The following JMJD1C variants were observed in gnomAD, a reference collection of about 807,000 sequenced individuals.
JMJD1C encodes jumonji domain containing 1C, also known as jumonji domain-containing protein 1C.
JMJD1C carries 31 observed loss-of-function variants against 245.3 expected under a neutral mutation model. The ratio of observed to expected loss-of-function variants is 0.13; its 90% confidence interval spans 0.09 to 0.17. The LOEUF is 0.17. Among genes scored for constraint, JMJD1C ranks in the 10% least tolerant of loss-of-function variants. JMJD1C has a pLI of 1.00. For missense variants in JMJD1C, 2,691 were observed against 3,000.2 expected, an observed-to-expected ratio of 0.90 and a Z score of 2.41; for synonymous variants, 1,057 against 1,017.4, an observed-to-expected ratio of 1.04 and a Z score of -0.74.
intron 3 of JMJD1C, among the ~76,000 whole-genome samples, chr10:63,238,474 T>C (rs373740961): frequency 5.3e-4 from 81 of 152,266 alleles, no homozygotes; most frequent in African/African-American, 1.9e-3. Context: ...TCTATTAATT[T>C]TGAATAAAAA....
At chr10:63,327,244 G>A (rs1232599573) in intron 2 of JMJD1C, among the ~76,000 whole-genome samples, 1 of 152,106 alleles carries the variant, frequency 6.6e-6, no homozygotes, top group African/African-American at 2.4e-5. Context: ...CAAGTGTTAT[G>A]AGAACACAAT....
At chr10:63,262,186 C>T (rs1388376679) in intron 3 of JMJD1C, among the ~76,000 whole-genome samples, 3 of 152,180 alleles carry the variant, frequency 2.0e-5, no homozygotes, top group Non-Finnish European at 4.4e-5. Flanking sequence ...ATGCCAGTAA[C>T]AGCTGCCATT....
chr10:63,350,033 A>C (rs1279301004), intron 2 of JMJD1C, among the ~76,000 whole-genome samples: 1 of 152,234 alleles, frequency 6.6e-6, no homozygotes, highest in African/African-American at 2.4e-5. Context: ...CGATGTCATA[A>C]AAATTTATAC....
At chr10:63,178,495 T>C (rs1843075073) in intron 22 of JMJD1C, among the ~76,000 whole-genome samples, 1 of 152,212 alleles carries the variant, frequency 6.6e-6, no homozygotes, top group African/African-American at 2.4e-5. Flanking sequence ...TTATGCTCAC[T>C]ATTTATTAGT....
intron 1 of JMJD1C, among the ~76,000 whole-genome samples, chr10:63,447,988 A>G (rs10509187): frequency 0.031 from 4,711 of 152,074 alleles, 266 homozygotes; most frequent in East Asian, 0.26. Flanking sequence ...TCCTTGAAAC[A>G]AAGTCTAATA....
chr10:63,282,508 C>A (rs1439723379), intron 2 of JMJD1C, among the ~76,000 whole-genome samples: 2 of 152,122 alleles, frequency 1.3e-5, no homozygotes, highest in Non-Finnish European at 2.9e-5. Flanking sequence ...GAAAGAGAGA[C>A]CTTTTTCACA....
chr10:63,463,433 T>C (rs1310456316), intron 1 of JMJD1C, among the ~76,000 whole-genome samples: 1 of 152,174 alleles, frequency 6.6e-6, no homozygotes, highest in Non-Finnish European at 1.5e-5. Context: ...TCCCAAAGTG[T>C]TGGGTTTACA....
chr10:63,200,506 G>A lies in JMJD1C; in HGVS notation c.5246C>T (p.Pro1749Leu). ...SKKGEEPAHS[P>L]VFCRFYYFRR... ...AAAGTAGTAAAATCTACAAAATACT[G>A]GTGAGTGAGCTGGTTCTTCTCCTTT... The change falls in exon 11 of 26, where the codon CCA (proline) becomes CTA (leucine). Residue 1749 changes from proline to leucine, a missense_variant. By Grantham distance (98) the Pro-to-Leu change is moderately conservative. This residue lies in a region of JMJD1C where 139 missense variants were observed against 270.5 expected (regional missense o/e 0.51). Coordinates refer to ENST00000399262, the MANE Select transcript of JMJD1C (RefSeq NM_032776.3). 2 of 1,613,748 alleles carry A rather than the reference G, an allele frequency of 1.2e-6. No individual in the cohort carries two copies. Among genetic ancestry groups the A allele is most frequent in the Non-Finnish European group, 1.7e-6 (2 of 1,179,772 alleles).
At chr10:63,483,478 T>C (rs1348667006) in intron 1 of JMJD1C, among the ~76,000 whole-genome samples, 1 of 152,198 alleles carries the variant, frequency 6.6e-6, no homozygotes, top group Admixed American at 6.5e-5. Context: ...ATTTCAGCAG[T>C]ACCTACCTCC....
chr10:63,245,389 C>T (rs1042686460), intron 3 of JMJD1C, among the ~76,000 whole-genome samples: 3 of 150,944 alleles, frequency 2.0e-5, no homozygotes, highest in African/African-American at 7.3e-5. Context: ...CTAGGGAGGC[C>T]TCACAATTAT....
intron 1 of JMJD1C, among the ~76,000 whole-genome samples, chr10:63,444,305 ACT>A (rs1951563104): frequency 1.3e-5 from 2 of 152,076 alleles, no homozygotes; most frequent in Admixed American, 1.3e-4. Context: ...ATAGAGTCTC[ACT>A]CTGTCACCTA....
At chr10:63,438,286 C>T (rs1265645389) in intron 1 of JMJD1C, among the ~76,000 whole-genome samples, 14 of 152,106 alleles carry the variant, frequency 9.2e-5, no homozygotes. Flanking sequence ...CATCTTAAAC[C>T]CTGTCTCTCA....
intron 2 of JMJD1C, among the ~76,000 whole-genome samples, chr10:63,277,103 G>C (rs184649672): frequency 8.6e-5 from 13 of 151,638 alleles, no homozygotes; most frequent in Non-Finnish European, 1.6e-4. Flanking sequence ...GGATGGTCTC[G>C]ATCTCCTGAC....
Position 63,206,732 on chromosome 10 carries a change from G to C in JMJD1C, c.4937C>G (p.Pro1646Arg), listed in dbSNP as rs769325414. The change falls in exon 10 of 26, where the codon CCT (proline) becomes CGT (arginine). Residue 1646 changes from proline (P) to arginine (R), a missense_variant. Physicochemically the swap from Pro to Arg is moderately radical, Grantham distance 103. Coordinates refer to ENST00000399262, the MANE Select transcript of JMJD1C (RefSeq NM_032776.3). Reference protein sequence around the residue: ...SKSEQRTKRQPKPTYKKKQND... With the variant: ...SKSEQRTKRQRKPTYKKKQND... Reference sequence around the variant, plus strand: ...TTGCTTCTTTTTGTAAGTTGGCTTAGGTTGTCTTTTAGTCCTTTGCTCTGA... The same window carrying C: ...TTGCTTCTTTTTGTAAGTTGGCTTACGTTGTCTTTTAGTCCTTTGCTCTGA... 3 of 1,613,774 alleles carry C rather than the reference G, an allele frequency of 1.9e-6. No individual in the cohort carries two copies. The highest frequency in any genetic ancestry group is 8.5e-7 in the Non-Finnish European group (1 of 1,179,914).
intron 20 of JMJD1C, among the ~76,000 whole-genome samples, chr10:63,185,035 G>A (rs1259763912): frequency 1.3e-5 from 2 of 152,102 alleles, no homozygotes; most frequent in African/African-American, 2.4e-5. Context: ...TATCACAGGC[G>A]TGAGCCACCG....
intron 2 of JMJD1C, among the ~76,000 whole-genome samples, chr10:63,353,726 C>T (rs1257838163): frequency 6.6e-6 from 1 of 151,866 alleles, no homozygotes; most frequent in Non-Finnish European, 1.5e-5. Flanking sequence ...AGGCTGGTCT[C>T]GAACTCCTGG....
At chr10:63,235,369 C>T (rs1027198943) in intron 3 of JMJD1C, among the ~76,000 whole-genome samples, 2 of 151,894 alleles carry the variant, frequency 1.3e-5, no homozygotes, top group African/African-American at 4.8e-5. Flanking sequence ...TGGTGGCAAG[C>T]GCCTGTAATC....
intron 1 of JMJD1C, among the ~76,000 whole-genome samples, chr10:63,432,627 G>C (rs950099971): frequency 1.3e-5 from 2 of 152,160 alleles, no homozygotes; most frequent in Non-Finnish European, 2.9e-5. Flanking sequence ...ATCAACTCTG[G>C]AATGTCTACT....
intron 2 of JMJD1C, among the ~76,000 whole-genome samples, chr10:63,329,107 C>T (rs1285051461): frequency 6.6e-6 from 1 of 151,844 alleles, no homozygotes. Flanking sequence ...CATGGTAAAA[C>T]CCCGTTTCTA....
Sources: gnomAD v4.1 joint callset for allele counts (sites outside exome capture counted in the v4.1 genomes callset) on GRCh38, gnomAD v4.1.1 for gene constraint, gnomAD v4.1.1 regional missense constraint, MANE v1.5 for transcripts, NCBI Gene and HGNC (gene_info 2026-07-23, HGNC 2026-07-21) for gene names.